Variants in MRPL48 observed in about 807,000 individuals in gnomAD.
The protein encoded by MRPL48 is mitochondrial ribosomal protein L48, also known as large ribosomal subunit protein mL48.
A neutral mutation model predicts 32.9 loss-of-function variants in MRPL48; 16 were observed. The observed-to-expected ratio is 0.49, with a 90% CI of 0.33 to 0.74. MRPL48 has a LOEUF of 0.74. MRPL48 is among the 30% of genes least tolerant of loss of function. The pLI is 0.02. For synonymous variants in MRPL48, 94 were observed against 89.2 expected, an observed-to-expected ratio of 1.05 and a Z score of -0.31; for missense variants, 206 against 245.3, an observed-to-expected ratio of 0.84 and a Z score of 1.07.
chr11:73,799,121 T>C (rs898995682), intron 1 of MRPL48, among the ~76,000 whole-genome samples: 2 of 152,102 alleles, frequency 1.3e-5, no homozygotes, highest in African/African-American at 4.8e-5. Context: ...CCAGGATGCC[T>C]AAGATGAGAG....
intron 3 of MRPL48, among the ~76,000 whole-genome samples, chr11:73,820,223 C>T (rs967478068): frequency 2.9e-4 from 44 of 152,154 alleles, no homozygotes; most frequent in African/African-American, 1.0e-3. Flanking sequence ...CCACTACTCA[C>T]GCTGGTCTCT....
intron 1 of MRPL48, chr11:73,789,493 A>G (rs1253130049): frequency 6.6e-6 from 1 of 152,192 alleles, no homozygotes; most frequent in Non-Finnish European, 1.5e-5. Context: ...TGCCAAATGT[A>G]AGTCTGTCTC....
chr11:73,833,897 T>C (rs1948040545), intron 4 of MRPL48, among the ~76,000 whole-genome samples: 1 of 152,130 alleles, frequency 6.6e-6, no homozygotes, highest in Non-Finnish European at 1.5e-5. Flanking sequence ...CACTCTGTCA[T>C]CTAGGCTGGA....
At chr11:73,842,607 G>A (rs1948209036) in intron 4 of MRPL48, 1 of 152,156 alleles carries the variant, frequency 6.6e-6, no homozygotes, top group Non-Finnish European at 1.5e-5. Flanking sequence ...CAAGCAGCTG[G>A]GACTACAGGC....
At chr11:73,863,385 A>C in intron 7 of MRPL48, 124 bp downstream of exon 7, 5 of 818,940 alleles carry the variant, frequency 6.1e-6, no homozygotes, top group South Asian at 1.8e-5. Context: ...CTAAATAATA[A>C]TCAGAAAAGT....
chr11:73,812,694 G>A (rs533632605), intron 3 of MRPL48, among the ~76,000 whole-genome samples: 1 of 148,208 alleles, frequency 6.7e-6, no homozygotes, highest in South Asian at 2.1e-4. Context: ...TAGCCTGGGC[G>A]ACAGAGCAGG....
chr11:73,844,076 T>A (rs2135052320), intron 4 of MRPL48, among the ~76,000 whole-genome samples: 1 of 147,470 alleles, frequency 6.8e-6, no homozygotes, highest in East Asian at 2.0e-4. Context: ...TGAAACTCCA[T>A]CTCAAAAAAA....
At chr11:73,837,707 G>A (rs1010671352) in intron 4 of MRPL48, among the ~76,000 whole-genome samples, 16 of 152,150 alleles carry the variant, frequency 1.1e-4, no homozygotes, top group African/African-American at 3.6e-4. Flanking sequence ...GAGTGCCAAC[G>A]TTTGATGATG....
At chr11:73,813,294 C>G (rs1225716212) in intron 3 of MRPL48, among the ~76,000 whole-genome samples, 1 of 151,916 alleles carries the variant, frequency 6.6e-6, no homozygotes, top group Non-Finnish European at 1.5e-5. Context: ...GCCTCGGCCT[C>G]CTGAGTAGTT....
chr11:73,832,000 TG>T (rs1292674720), intron 4 of MRPL48, among the ~76,000 whole-genome samples: 2 of 149,220 alleles, frequency 1.3e-5, no homozygotes, highest in Non-Finnish European at 3.0e-5. Context: ...TGTATAGCAC[TG>T]GGTCATTTTT....
rs576243049 is a variant in MRPL48 at position 73,805,158 on chromosome 11, A to G, written c.74+79A>G. ...ATAGTTCACACAGCATTTTTTCATC[A>G]TATTTACTTGCATGTCTATAAGCAC... is the stretch of plus-strand genomic sequence containing the variant. On this transcript the variant is annotated intron_variant, in intron 2 of 7. Transcript: ENST00000310614. 18 of 1,232,624 alleles carry G rather than the reference A, an allele frequency of 1.5e-5. 1 individual carries two copies. In the South Asian group the frequency reaches 2.4e-4, roughly 16 times the overall value. 76.4% of individuals were successfully genotyped at this position (1,232,624 alleles called of 1,614,324 possible).
At chr11:73,859,222 G>A (rs1948539174) in intron 5 of MRPL48, among the ~76,000 whole-genome samples, 1 of 151,816 alleles carries the variant, frequency 6.6e-6, no homozygotes, top group Non-Finnish European at 1.5e-5. Flanking sequence ...AATACCCAAG[G>A]TTAGCCTCCA....
chr11:73,813,488 T>G (rs943772308), intron 3 of MRPL48, among the ~76,000 whole-genome samples: 2 of 152,104 alleles, frequency 1.3e-5, no homozygotes, highest in Non-Finnish European at 2.9e-5. Context: ...TATGTTTTTT[T>G]GTCAATTTTT....
intron 4 of MRPL48, among the ~76,000 whole-genome samples, chr11:73,827,442 A>G (rs1159710124): frequency 6.6e-6 from 1 of 152,142 alleles, no homozygotes; most frequent in African/African-American, 2.4e-5. Context: ...AGGTAAGTGG[A>G]TATTAGTTCT....
chr11:73,801,537 T>C (rs911457791), intron 1 of MRPL48, among the ~76,000 whole-genome samples: 4 of 152,218 alleles, frequency 2.6e-5, no homozygotes, highest in African/African-American at 9.6e-5. Flanking sequence ...CTTCTGTCTA[T>C]TCACATCCTT....
At position 73,825,759 on chromosome 11, in the gene MRPL48, G is replaced by A. The variant is rs780130166; in HGVS notation, c.164G>A (p.Gly55Asp). ...SRPYKTKPTH[G>D]IGKYKHLIKA... ...CCCTACAAGACAAAGCCCACCCACG[G>A]CATTGGAAAGTACAAGCACTTAATT... The change falls in exon 4 of 8, where the codon GGC (glycine) becomes GAC (aspartate). Residue 55 changes from glycine (G) to aspartate (D), a missense_variant. Physicochemically the swap from Gly to Asp is moderately conservative, Grantham distance 94 (BLOSUM62 -1). Coordinates refer to ENST00000310614, the MANE Select transcript of MRPL48 (RefSeq NM_016055.6). The A allele has an allele frequency of 2.0e-5, 31 of 1,569,294 alleles. No homozygotes were observed. Among genetic ancestry groups the A allele is most frequent in the Non-Finnish European group, 2.7e-5 (31 of 1,157,218 alleles).
chr11:73,808,709 G>A (rs1947506588), intron 3 of MRPL48, among the ~76,000 whole-genome samples: 1 of 152,046 alleles, frequency 6.6e-6, no homozygotes, highest in South Asian at 2.1e-4. Context: ...ATCACCTGAG[G>A]TCAGGAGTTC....
At chr11:73,837,059 CT>C (rs11311493) in intron 4 of MRPL48, among the ~76,000 whole-genome samples, 8,370 of 152,298 alleles carry the variant, frequency 0.055, 253 homozygotes, top group Middle Eastern at 0.11. Context: ...GTTGATAGTA[CT>C]TAACCCCAAA....
chr11:73,846,613 C>T (rs58161574), intron 5 of MRPL48, among the ~76,000 whole-genome samples: 309 of 152,156 alleles, frequency 2.0e-3, no homozygotes, highest in Middle Eastern at 6.8e-3. Context: ...CCTGCCTCAG[C>T]CTCCCAAAGT....
Sources: allele counts gnomAD v4.1 joint callset (sites outside exome capture counted in the v4.1 genomes callset), GRCh38; gene constraint gnomAD v4.1.1; transcripts MANE v1.5; gene names NCBI Gene and HGNC (gene_info 2026-07-23, HGNC 2026-07-21).